SH3D19: variants seen among roughly 807,000 people sequenced by gnomAD.
The protein encoded by SH3D19 is SH3 domain-containing protein 19.
In SH3D19, 58 loss-of-function variants were observed where a neutral mutation model predicts 112.1. That is an observed-to-expected ratio of 0.52 (90% CI 0.42 to 0.64). The LOEUF is 0.64. Among genes scored for constraint, SH3D19 ranks in the 30% least tolerant of loss-of-function variants. SH3D19 has a pLI of 0.00. For synonymous variants in SH3D19, 391 were observed against 448.5 expected (o/e 0.87, Z 1.62); for missense variants, 1,090 against 1,263.4 (o/e 0.86, Z 2.08).
At chr4:151,190,649 C>G (rs1762474437) in intron 2 of SH3D19, among the ~76,000 whole-genome samples, 1 of 152,180 alleles carries the variant, frequency 6.6e-6, no homozygotes, top group African/African-American at 2.4e-5. Context: ...GCACAGAAGT[C>G]AAGAATTGAG....
intron 1 of SH3D19, among the ~76,000 whole-genome samples, chr4:151,290,601 T>C (rs1561436041): frequency 6.6e-6 from 1 of 152,194 alleles, no homozygotes; most frequent in Admixed American, 6.5e-5. Context: ...AAAAATGTTC[T>C]AAAATGGGTT....
At chr4:151,296,346 G>C (rs3990708) in intron 1 of SH3D19, among the ~76,000 whole-genome samples, 54,299 of 152,010 alleles carry the variant, frequency 0.36, 10,788 homozygotes, top group Non-Finnish European at 0.46. Context: ...AAAATGAAAA[G>C]TTCAACCCCA....
Position 151,143,893 on chromosome 4 carries a change from C to T in SH3D19, c.2223+17G>A. 6.2e-7 allele frequency: 1 copy of T among 1,603,030 alleles called. No individual in the cohort carries two copies. Among genetic ancestry groups the T allele is most frequent in the Middle Eastern group, 1.7e-4 (1 of 6,010 alleles). On this transcript the variant is annotated intron_variant, in intron 12 of 19. Coordinates refer to ENST00000604030, the MANE Select transcript of SH3D19 (RefSeq NM_001378122.1). ...GCTATGTGTGATATGAGGGCTGTAACAATATTAATTCCTTACGTTTGGTCT... is the reference window on the plus strand; with the variant it reads ...GCTATGTGTGATATGAGGGCTGTAATAATATTAATTCCTTACGTTTGGTCT...
At chr4:151,317,965 T>A (rs1580479202) in intron 1 of SH3D19, among the ~76,000 whole-genome samples, 1 of 150,912 alleles carries the variant, frequency 6.6e-6, no homozygotes, top group African/African-American at 2.4e-5. Context: ...CACTCCAGCC[T>A]GGGCAACAGA....
Position 151,308,245 on chromosome 4 carries a change from C to A in SH3D19, c.112+16996G>T, listed in dbSNP as rs140956106. ...AAAAACTCAAGACTGTCCTATTTGA[C>A]AGCTATGTACTGAGCACATGTGTCA... is the stretch of plus-strand genomic sequence containing the variant. On this transcript the variant is annotated intron_variant, in intron 1 of 19. Transcript: ENST00000604030. Among the ~76,000 whole-genome samples, 331 of 152,324 alleles carry A rather than the reference C, an allele frequency of 2.2e-3. 1 individual carries two copies. The highest frequency in any genetic ancestry group is 7.4e-3 in the African/African-American group (309 of 41,570).
rs1419395741 is a variant in SH3D19 at position 151,121,571 on chromosome 4, C to T, written c.*520G>A. 6.6e-6 allele frequency: 1 copy of T among 152,246 alleles called. No individual in the cohort carries two copies. Among genetic ancestry groups the T allele is most frequent in the African/African-American group, 2.4e-5 (1 of 41,452 alleles). The allele number at this position is 152,246 out of a possible 1,614,324, so 9.4% of individuals were successfully genotyped here. A position where few individuals can be genotyped will look rare whatever the true frequency, so the allele number is the denominator to read the frequency against. ...ACAAATGCTCCAACTAGTCAGTAAA[C>T]TATCCCATCTGAAGGAAGGATTTGC... On this transcript the variant is annotated 3_prime_UTR_variant, in exon 20 of 20. Transcript: ENST00000604030.
At chr4:151,126,246 A>G (rs1749293710) in intron 19 of SH3D19, among the ~76,000 whole-genome samples, 1 of 152,132 alleles carries the variant, frequency 6.6e-6, no homozygotes, top group African/African-American at 2.4e-5. Flanking sequence ...CTTGTTGCAG[A>G]CAAGTGAAAA....
intron 1 of SH3D19, among the ~76,000 whole-genome samples, chr4:151,258,998 C>G (rs1435465806): frequency 6.6e-6 from 1 of 152,188 alleles, no homozygotes; most frequent in African/African-American, 2.4e-5. Flanking sequence ...AAAGGCTGCA[C>G]AGGGCATGGG....
In SH3D19 at chr4:151,247,462, A is replaced by G. The variant is rs571229579; in HGVS notation, c.113-21376T>C. Among the ~76,000 whole-genome samples, 5 of 152,342 alleles carry G rather than the reference A, an allele frequency of 3.3e-5. No individual in the cohort carries two copies. The South Asian group carries it at 1.0e-3, about 32-fold the overall frequency. ...TTTTCTAAGAGTTCTGGAGTCAGAT[A>G]CAGTCATATATTTTCTATTTCTTTT... On this transcript the variant is annotated intron_variant, in intron 1 of 19. Transcript: ENST00000604030.
At chr4:151,303,061 C>T (rs1477015945) in intron 1 of SH3D19, among the ~76,000 whole-genome samples, 4 of 152,182 alleles carry the variant, frequency 2.6e-5, no homozygotes, top group Non-Finnish European at 5.9e-5. Context: ...ATCTAGTCCT[C>T]TAGAACAGGT....
intron 1 of SH3D19, among the ~76,000 whole-genome samples, chr4:151,310,715 G>C (rs192014240): frequency 2.0e-5 from 3 of 151,816 alleles, no homozygotes; most frequent in Non-Finnish European, 4.4e-5. Context: ...GGGACTACAG[G>C]TGCACACCAC....
intron 1 of SH3D19, among the ~76,000 whole-genome samples, chr4:151,286,280 C>T (rs1774776739): frequency 8.7e-6 from 1 of 114,318 alleles, no homozygotes; most frequent in Admixed American, 8.5e-5. Flanking sequence ...AACAGAAAGA[C>T]AATAGAGAAA....
chr4:151,238,919 C>T (rs1429737539), intron 1 of SH3D19, among the ~76,000 whole-genome samples: 2 of 152,140 alleles, frequency 1.3e-5, no homozygotes, highest in African/African-American at 4.8e-5. Context: ...TAACTTCCAT[C>T]CAGACAACAC....
intron 19 of SH3D19, among the ~76,000 whole-genome samples, chr4:151,124,308 T>G (rs1356050348): frequency 6.6e-6 from 1 of 151,996 alleles, no homozygotes; most frequent in African/African-American, 2.4e-5. Context: ...GGTTTCTCCA[T>G]GTTGGTCAGG....
intron 1 of SH3D19, among the ~76,000 whole-genome samples, chr4:151,280,741 T>C (rs187564352): frequency 6.6e-6 from 1 of 151,982 alleles, no homozygotes; most frequent in African/African-American, 2.4e-5. Flanking sequence ...CAGTGACCTA[T>C]GATTGTACCA....
chr4:151,234,766 T>TTTTTTG lies in SH3D19; in HGVS notation c.113-8681_113-8680insCAAAAA, dbSNP rs374882479. On this transcript the variant is annotated intron_variant, in intron 1 of 19. Transcript: ENST00000604030. Reference sequence around the variant, plus strand: ...TTTTTTTTTTTTTTTTTTTTTTTTTTAGACAGGGGCTCACTCCGTCACTCA... The same window carrying TTTTTTG: ...TTTTTTTTTTTTTTTTTTTTTTTTTTTTTTTGAGACAGGGGCTCACTCCGTCACTCA... Among the ~76,000 whole-genome samples, 14 of 87,154 alleles carry TTTTTTG rather than the reference T, an allele frequency of 1.6e-4. 1 individual carries two copies. Among genetic ancestry groups the TTTTTTG allele is most frequent in the African/African-American group, 7.2e-4 (14 of 19,514 alleles). The allele number at this position is 87,154 out of a possible 152,430, so 57.2% of individuals were successfully genotyped here. A position where few individuals can be genotyped will look rare whatever the true frequency, so the allele number is the denominator to read the frequency against.
chr4:151,270,528 T>C (rs1175093544), intron 1 of SH3D19, among the ~76,000 whole-genome samples: 2 of 152,224 alleles, frequency 1.3e-5, no homozygotes, highest in East Asian at 1.9e-4. Context: ...AATTACTCAG[T>C]CTCAGGTATT....
intron 1 of SH3D19, among the ~76,000 whole-genome samples, chr4:151,247,995 T>C (rs1196404399): frequency 1.3e-5 from 2 of 152,226 alleles, no homozygotes; most frequent in Admixed American, 1.3e-4. Context: ...CAGCAAGCAA[T>C]AGGAAGCTAA....
intron 1 of SH3D19, among the ~76,000 whole-genome samples, chr4:151,270,667 C>T (rs562203417): frequency 6.6e-6 from 1 of 152,226 alleles, no homozygotes; most frequent in East Asian, 1.9e-4. Flanking sequence ...TAATGCATTG[C>T]CCTACAGCTC....
Sources: allele counts gnomAD v4.1 joint callset (sites outside exome capture counted in the v4.1 genomes callset), GRCh38; gene constraint gnomAD v4.1.1; transcripts MANE v1.5; gene names NCBI Gene and HGNC (gene_info 2026-07-23, HGNC 2026-07-21).